DICER1: variants seen among roughly 807,000 people sequenced by gnomAD.
The protein encoded by DICER1 is dicer 1, ribonuclease III, also known as endoribonuclease Dicer.
Under a neutral mutation model 194.1 loss-of-function variants are expected in DICER1, and 43 were observed. That is an observed-to-expected ratio of 0.22 (90% confidence interval 0.17 to 0.29). The LOEUF (loss-of-function observed/expected upper bound fraction) is 0.29. Among genes scored for constraint, DICER1 ranks in the 10% least tolerant of loss-of-function variants. The pLI, the probability that DICER1 is intolerant of heterozygous loss-of-function variation, is 1.00. For synonymous variants in DICER1, 832 were observed against 820.5 expected, an observed-to-expected ratio of 1.01 and a Z score of -0.24; for missense variants, 1,608 against 2,317.0, an observed-to-expected ratio of 0.69 and a Z score of 6.28.
rs1555376548 is a variant in DICER1 at position 95,133,359 on chromosome 14, G to A, written c.100C>T (p.Gln34Ter). 6.2e-7 allele frequency: 1 copy of A among 1,614,104 alleles called. No individual in the cohort carries two copies. The highest frequency in any genetic ancestry group is 2.2e-5 in the East Asian group (1 of 44,882). Residue 34 changes from glutamine (Q) to a stop codon, truncating the protein, a stop_gained, in exon 2 of 27, where the codon CAA becomes TAA. Transcript: ENST00000343455. LOFTEE classifies it high-confidence loss of function. ...TAAATGTTATCATGAATTGCTTCTTGTTGCCATGGCAGTCCAAAGAAAGGA... is the reference window on the plus strand; with the variant it reads ...TAAATGTTATCATGAATTGCTTCTTATTGCCATGGCAGTCCAAAGAAAGGA... ...MGPFFGLPWQ[Q>*]EAIHDNIYTP... is the part of the protein sequence containing the mutation.
chr14:95,091,472 A>T, intron 24 of DICER1, 107 bp from the exon 25 acceptor site: 1 of 997,200 alleles, frequency 1.0e-6, no homozygotes, highest in Non-Finnish European at 1.6e-6. Flanking sequence ...CTTCTTTAGT[A>T]AGGGGGGAAA....
intron 14 of DICER1, 112 bp from the exon 15 acceptor site, chr14:95,108,615 G>T: frequency 9.9e-7 from 1 of 1,006,998 alleles, no homozygotes; most frequent in Non-Finnish European, 1.5e-6. Flanking sequence ...ATGAGAATAA[G>T]CTAAGAAAAT....
At chr14:95,123,930 A>T (rs761676473) in intron 8 of DICER1, among the ~76,000 whole-genome samples, 4 of 152,208 alleles carry the variant, frequency 2.6e-5, no homozygotes, top group Non-Finnish European at 5.9e-5. Context: ...TGATTTTTTT[A>T]AAAACCATAC....
Position 95,105,690 on chromosome 14 carries a change from C to T in DICER1, c.3081G>A (p.Leu1027=), listed in dbSNP as rs762622271. 6.2e-7 allele frequency: 1 copy of T among 1,611,078 alleles called. No individual in the cohort carries two copies. The highest frequency in any genetic ancestry group is 8.5e-7 in the Non-Finnish European group (1 of 1,177,340). ...ATTAACTCATTACCTGTTTATTCTG[C>T]AGACTTTCCCATTTGGCTTTCCTCT... The part of the protein sequence containing the change: ...AEKRKAKWES[L]QNKQILVPEL... The change falls in exon 19 of 27, where the codon CTG becomes CTA. Residue 1027 remains leucine, a synonymous_variant. Coordinates refer to ENST00000343455, the MANE Select transcript of DICER1 (RefSeq NM_177438.3). This position sits in a 1 kb window ranked among gnomAD's most constrained non-coding sequence, Gnocchi z 4.9.
Position 95,090,539 on chromosome 14 carries a change from G to A in DICER1, c.5728C>T (p.Arg1910Ter), listed in dbSNP as rs762281340. Residue 1910 changes from arginine to a stop codon, truncating the protein, a stop_gained, in exon 27 of 27, where the codon CGA becomes TGA. Transcript: ENST00000343455. LOFTEE classifies it high-confidence loss of function. Reference sequence around the variant, plus strand: ...TGAGGTTGATTAGCTTTGAGGCTTCGGAGGGCTCTTCTTGCTGCTGCAGAT... The same window carrying A: ...TGAGGTTGATTAGCTTTGAGGCTTCAGAGGGCTCTTCTTGCTGCTGCAGAT... ...AKSAAARRALRSLKANQPQVP... is the reference protein window; with the variant it reads ...AKSAAARRAL 3 of 1,614,012 alleles carry A rather than the reference G, an allele frequency of 1.9e-6. No individual in the cohort carries two copies. The highest frequency in any genetic ancestry group is 2.5e-6 in the Non-Finnish European group (3 of 1,180,002).
intron 1 of DICER1, among the ~76,000 whole-genome samples, chr14:95,153,061 C>G (rs1344411622): frequency 4.0e-5 from 6 of 151,690 alleles, no homozygotes; most frequent in African/African-American, 1.4e-4. Flanking sequence ...ACTAAAAATA[C>G]AAAAAATTAG....
rs1488758753 is a variant in DICER1, at chr14:95,088,375, T to C, written c.*2123A>G. The C allele has an allele frequency of 4.3e-6, 1 of 232,554 alleles. No individual in the cohort carries two copies. The highest frequency in any genetic ancestry group is 2.2e-5 in the African/African-American group (1 of 45,282). The allele number at this position is 232,554 out of a possible 1,614,324, so 14.4% of individuals were successfully genotyped here. ...GAATCCCGTAACACTGGGATCAATG[T>C]ATTAGACACAATGCAAAGCCCTAAG... On this transcript the variant is annotated 3_prime_UTR_variant, in exon 27 of 27. Transcript: ENST00000343455.
At chr14:95,142,943 T>C (rs1370633506) in intron 1 of DICER1, among the ~76,000 whole-genome samples, 2 of 152,212 alleles carry the variant, frequency 1.3e-5, no homozygotes, top group African/African-American at 4.8e-5. Flanking sequence ...ATTTTCAAAA[T>C]TGGTGACAAA....
chr14:95,093,004 G>A (rs1303371447), intron 24 of DICER1, among the ~76,000 whole-genome samples: 2 of 152,160 alleles, frequency 1.3e-5, no homozygotes, highest in Non-Finnish European at 2.9e-5. Flanking sequence ...CAGCTGGCAG[G>A]GCGTGAACTC....
chr14:95,103,874 T>A lies in DICER1; in HGVS notation c.3522A>T (p.Ala1174=), dbSNP rs1555369587. The change falls in exon 21 of 27, where the codon GCA becomes GCT. Residue 1174 remains alanine, a synonymous_variant. Transcript: ENST00000343455. The part of the protein sequence containing the change: ...LHVEVSADLT[A]INGLSYNQNL... Reference sequence around the variant, plus strand: ...TTTGATTGTAAGAAAGACCATTAATTGCTGTAAGATCTGCTGAAACTTCAA... The same window carrying A: ...TTTGATTGTAAGAAAGACCATTAATAGCTGTAAGATCTGCTGAAACTTCAA... 1.2e-6 allele frequency: 2 copies of A among 1,614,194 alleles called. No individual in the cohort carries two copies. Among genetic ancestry groups the A allele is most frequent in the Non-Finnish European group, 1.7e-6 (2 of 1,180,042 alleles).
At chr14:95,147,433 G>A (rs889222325) in intron 1 of DICER1, among the ~76,000 whole-genome samples, 1 of 152,172 alleles carries the variant, frequency 6.6e-6, no homozygotes, top group African/African-American at 2.4e-5. Flanking sequence ...GCACTCCAGA[G>A]TAAGACCCTG....
At position 95,088,905 on chromosome 14, in the gene DICER1, G is replaced by C. The variant is rs1459565289; in HGVS notation, c.*1593C>G. On this transcript the variant is annotated 3_prime_UTR_variant, in exon 27 of 27. Transcript: ENST00000343455. ...TTCAGAATCATGTGCTGGGAAATAT[G>C]AGACACCTCTGCTCAGCTTTCTTAA... is the stretch of plus-strand genomic sequence containing the variant. The C allele has an allele frequency of 3.0e-5, 7 of 233,544 alleles. No individual in the cohort carries two copies. The highest frequency in any genetic ancestry group is 5.1e-5 in the Non-Finnish European group (6 of 118,058). 14.5% of individuals were successfully genotyped at this position (233,544 alleles called of 1,614,324 possible). A position where few individuals can be genotyped will look rare whatever the true frequency, so the allele number is the denominator to read the frequency against.
At position 95,090,677 on chromosome 14, in the gene DICER1, AAACAGCTTG is replaced by A; in HGVS notation, c.5604-23_5604-15del. 1.2e-6 allele frequency: 2 copies of A among 1,614,054 alleles called. No homozygotes were observed. The highest frequency in any genetic ancestry group is 1.7e-6 in the Non-Finnish European group (2 of 1,179,928). On this transcript the variant is annotated splice_polypyrimidine_tract_variant and intron_variant, in intron 26 of 26. Coordinates refer to ENST00000343455, the MANE Select transcript of DICER1 (RefSeq NM_177438.3). ...CTCTCAGCCGGGCTGTAAAAAATCC[AAACAGCTTG>A]AATTAGAAGTCAGAAGTATTTATTA...
intron 1 of DICER1, among the ~76,000 whole-genome samples, chr14:95,157,023 C>G (rs913450493): frequency 1.3e-5 from 2 of 151,982 alleles, no homozygotes; most frequent in African/African-American, 2.4e-5. Flanking sequence ...GGAGCAGAGC[C>G]GAGGCGGGCA....
intron 1 of DICER1, among the ~76,000 whole-genome samples, chr14:95,142,616 A>G (rs1215410751): frequency 6.6e-6 from 1 of 152,238 alleles, no homozygotes; most frequent in Non-Finnish European, 1.5e-5. Flanking sequence ...CATACATTAG[A>G]AAGGTAATAT....
chr14:95,107,856 C>A (rs1320226534), intron 16 of DICER1, 24 bp downstream of exon 16: 2 of 1,609,496 alleles, frequency 1.2e-6, no homozygotes, highest in Admixed American at 1.7e-5. Flanking sequence ...CTAGAGTTAT[C>A]AAAGTAAGAG....
rs184830847 is a variant in DICER1 at position 95,103,721 on chromosome 14, G to A, written c.3675C>T (p.Tyr1225=). 13 of 1,614,182 alleles carry A rather than the reference G, an allele frequency of 8.1e-6. No individual in the cohort carries two copies. Among genetic ancestry groups the A allele is most frequent in the Admixed American group, 5.0e-5 (3 of 60,026 alleles). Residue 1225 remains tyrosine (Y), a synonymous_variant, in exon 21 of 27, where the codon TAC becomes TAT. Coordinates refer to ENST00000343455, the MANE Select transcript of DICER1 (RefSeq NM_177438.3). The part of the protein sequence containing the change: ...TSYSIQNLYS[Y]ENQPQPSDEC... ...CATCGCTGGGCTGGGGCTGGTTCTC[G>A]TAACTGTATAAATTCTGAATGGAAT...
At chr14:95,101,251 G>A (rs568546526) in intron 21 of DICER1, among the ~76,000 whole-genome samples, 21 of 152,162 alleles carry the variant, frequency 1.4e-4, no homozygotes, top group Non-Finnish European at 2.5e-4. Context: ...GATCCAAAAC[G>A]CATCAGGGCT....
At chr14:95,097,449 TTA>T (rs1491110994) in intron 22 of DICER1, among the ~76,000 whole-genome samples, 7 of 152,140 alleles carry the variant, frequency 4.6e-5, no homozygotes, top group Non-Finnish European at 1.0e-4. Context: ...GGAAGAAAAT[TTA>T]GACTAACATG....
Sources: allele counts gnomAD v4.1 joint callset (sites outside exome capture counted in the v4.1 genomes callset), GRCh38; gene constraint gnomAD v4.1.1; non-coding constraint Gnocchi (gnomAD v3.1); transcripts MANE v1.5; gene names NCBI Gene and HGNC (gene_info 2026-07-23, HGNC 2026-07-21).